BBS9: variants seen among roughly 807,000 people sequenced by gnomAD.
BBS9 encodes Bardet-Biedl syndrome 9.
Under a neutral mutation model 117.7 loss-of-function variants are expected in BBS9, and 89 were observed. The observed-to-expected ratio is 0.76, with a 90% CI of 0.64 to 0.90. The LOEUF (loss-of-function observed/expected upper bound fraction) is 0.90. Among genes scored for constraint, BBS9 ranks in the 40% least tolerant of loss-of-function variants. BBS9 has a pLI of 0.00. For missense variants in BBS9, 982 were observed against 1,042.2 expected (o/e 0.94, Z 0.80); for synonymous variants, 379 against 370.9 (o/e 1.02, Z -0.25).
intron 19 of BBS9, among the ~76,000 whole-genome samples, chr7:33,411,615 A>T (rs964185948): frequency 6.6e-6 from 1 of 152,252 alleles, no homozygotes. Context: ...ACTTCTATTG[A>T]TTCATCCTAG....
chr7:33,383,759 G>C lies in BBS9; in HGVS notation c.1883G>C (p.Gly628Ala). 6.2e-7 allele frequency: 1 copy of C among 1,612,874 alleles called. No individual in the cohort carries two copies. Among genetic ancestry groups the C allele is most frequent in the South Asian group, 1.1e-5 (1 of 90,892 alleles). Reference protein sequence around the residue: ...LRLQEYFEKQGVKDFACSFSG... With the variant: ...LRLQEYFEKQAVKDFACSFSG... ...CTTCAAGAATATTTTGAAAAACAGGGAGTCAAAGATTTTGCATGTTCTTTT... is the reference window on the plus strand; with the variant it reads ...CTTCAAGAATATTTTGAAAAACAGGCAGTCAAAGATTTTGCATGTTCTTTT... Residue 628 changes from glycine to alanine, a missense_variant, in exon 18 of 23, where the codon GGA becomes GCA. Coordinates refer to ENST00000242067, the MANE Select transcript of BBS9 (RefSeq NM_198428.3).
At chr7:33,407,147 T>C (rs1830175130) in intron 19 of BBS9, among the ~76,000 whole-genome samples, 1 of 152,214 alleles carries the variant, frequency 6.6e-6, no homozygotes, top group Non-Finnish European at 1.5e-5. Context: ...TTATTCTTTT[T>C]TCTCTAAACT....
chr7:33,389,147 C>T (rs934028394), intron 19 of BBS9, among the ~76,000 whole-genome samples: 13 of 152,016 alleles, frequency 8.6e-5, no homozygotes, highest in Non-Finnish European at 1.5e-4. Context: ...TATGTGGGTG[C>T]GTGTATTAAG....
At chr7:33,387,412 TTGTCTC>T (rs1826221302) in intron 18 of BBS9, among the ~76,000 whole-genome samples, 1 of 152,210 alleles carries the variant, frequency 6.6e-6, no homozygotes, top group Non-Finnish European at 1.5e-5. Context: ...GGGCATGACT[TTGTCTC>T]TGTAGTTATT....
intron 4 of BBS9, among the ~76,000 whole-genome samples, chr7:33,165,922 T>C (rs1340144550): frequency 2.6e-5 from 4 of 152,084 alleles, no homozygotes; most frequent in East Asian, 1.9e-4. Context: ...GGTGCTCTGG[T>C]TTTTAGAATT....
chr7:33,512,807 G>A (rs10272151), intron 20 of BBS9, among the ~76,000 whole-genome samples: 3,058 of 152,268 alleles, frequency 0.02, 83 homozygotes, highest in African/African-American at 0.056. Context: ...CTGAATCTCC[G>A]TGTTCAGTTC....
chr7:33,535,029 C>T (rs923949872), intron 21 of BBS9, among the ~76,000 whole-genome samples: 1 of 152,152 alleles, frequency 6.6e-6, no homozygotes, highest in African/African-American at 2.4e-5. Context: ...CTTGCTGTTG[C>T]TTCCTTTTCC....
chr7:33,159,370 A>G (rs750865081), intron 4 of BBS9, among the ~76,000 whole-genome samples: 53 of 152,282 alleles, frequency 3.5e-4, no homozygotes, highest in Non-Finnish European at 5.9e-4. Flanking sequence ...AGGTTAGAGT[A>G]GAGGGTACTT....
chr7:33,595,336 A>G (rs1436483555), intron 21 of BBS9, among the ~76,000 whole-genome samples: 1 of 152,182 alleles, frequency 6.6e-6, no homozygotes, highest in East Asian at 1.9e-4. Flanking sequence ...AGGAACTTAA[A>G]TTTATAAGAA....
intron 19 of BBS9, among the ~76,000 whole-genome samples, chr7:33,398,994 T>G (rs547825375): frequency 6.6e-6 from 1 of 152,332 alleles, no homozygotes; most frequent in South Asian, 2.1e-4. Flanking sequence ...TGTGTTTTAT[T>G]TAACTCTATA....
intron 5 of BBS9, among the ~76,000 whole-genome samples, chr7:33,182,794 C>G (rs1243033720): frequency 6.6e-6 from 1 of 152,124 alleles, no homozygotes; most frequent in Non-Finnish European, 1.5e-5. Context: ...TTCTAAGTTT[C>G]CCTTTAAAGC....
At chr7:33,190,268 C>T (rs1783897819) in intron 5 of BBS9, among the ~76,000 whole-genome samples, 1 of 151,898 alleles carries the variant, frequency 6.6e-6, no homozygotes, top group Non-Finnish European at 1.5e-5. Context: ...CACAGGCACC[C>T]GCCACCACAC....
At chr7:33,358,268 G>C (rs1181526347) in intron 16 of BBS9, among the ~76,000 whole-genome samples, 1 of 151,626 alleles carries the variant, frequency 6.6e-6, no homozygotes, top group Non-Finnish European at 1.5e-5. Flanking sequence ...TTTCTCTTTA[G>C]ACTGAATTTT....
At chr7:33,466,207 A>G (rs963531622) in intron 19 of BBS9, among the ~76,000 whole-genome samples, 5 of 152,164 alleles carry the variant, frequency 3.3e-5, no homozygotes, top group African/African-American at 9.7e-5. Context: ...CGTACAATAC[A>G]GTATTATTAA....
intron 5 of BBS9, among the ~76,000 whole-genome samples, chr7:33,190,363 T>C (rs549719845): frequency 6.6e-6 from 1 of 152,326 alleles, no homozygotes; most frequent in African/African-American, 2.4e-5. Flanking sequence ...ACTCAAGAGT[T>C]AAATGTTACC....
intron 21 of BBS9, among the ~76,000 whole-genome samples, chr7:33,535,499 T>C (rs1299395412): frequency 1.3e-5 from 2 of 152,350 alleles, no homozygotes; most frequent in East Asian, 3.9e-4. Context: ...TTCCAAATAA[T>C]ATTTTTTATT....
chr7:33,590,822 T>C (rs1247545033), intron 21 of BBS9, among the ~76,000 whole-genome samples: 1 of 151,882 alleles, frequency 6.6e-6, no homozygotes, highest in African/African-American at 2.4e-5. Context: ...AATAAGGAAA[T>C]TGAAGCAGAG....
intron 9 of BBS9, among the ~76,000 whole-genome samples, chr7:33,333,622 CT>C (rs756098305): frequency 7.7e-4 from 113 of 146,932 alleles, no homozygotes; most frequent in African/African-American, 1.7e-3. Flanking sequence ...GCTATAATGT[CT>C]TTTTTTTTTT....
rs1286176309 is a variant in BBS9 at position 33,273,923 on chromosome 7, A to G, written c.983A>G (p.His328Arg). 8.7e-6 allele frequency: 14 copies of G among 1,613,664 alleles called. No homozygotes were observed. Among genetic ancestry groups the G allele is most frequent in the Non-Finnish European group, 1.2e-5 (14 of 1,179,716 alleles). ...CTGAAGTGGGCCACCCAACTTCCCC[A>G]CATTCCTGTAGCAGTAAGAGTGGGC... is the stretch of plus-strand genomic sequence containing the variant. ...VTLKWATQLP[H>R]IPVAVRVGCL... The change falls in exon 9 of 23, where the codon CAC becomes CGC. Residue 328 changes from histidine to arginine, a missense_variant. Transcript: ENST00000242067.
Sources: gnomAD v4.1 joint callset for allele counts (sites outside exome capture counted in the v4.1 genomes callset) on GRCh38, gnomAD v4.1.1 for gene constraint, MANE v1.5 for transcripts, NCBI Gene and HGNC (gene_info 2026-07-23, HGNC 2026-07-21) for gene names.